The following HPS5 variants were observed in gnomAD, a reference collection of about 807,000 sequenced individuals.
The protein encoded by HPS5 is HPS5 biogenesis of lysosomal organelles complex 2 subunit 2.
A neutral mutation model predicts 128.0 loss-of-function variants in HPS5; 83 were observed. The observed-to-expected ratio is 0.65, with a 90% CI of 0.54 to 0.78. The LOEUF is 0.78. Ranked by LOEUF, HPS5 falls within the 30% of genes least tolerant of loss-of-function variation. HPS5 has a pLI of 0.00. For missense variants in HPS5, 1,281 were observed against 1,326.2 expected (o/e 0.97, Z 0.53); for synonymous variants, 475 against 470.2 (o/e 1.01, Z -0.13).
intron 22 of HPS5, chr11:18,280,786 C>T: frequency 4.3e-6 from 2 of 469,308 alleles, no homozygotes; most frequent in South Asian, 4.0e-5. Flanking sequence ...ACAGGCTGGT[C>T]ACAAAACGAC....
chr11:18,288,122 C>T (rs993511218), intron 16 of HPS5, 109 bp from the exon 17 acceptor site: 2 of 1,158,714 alleles, frequency 1.7e-6, no homozygotes, highest in Admixed American at 1.8e-5. Flanking sequence ...CTGTGTGGAC[C>T]TATTATGTGC....
rs750401679 is a variant in HPS5, at chr11:18,295,126, G to A, written c.1678C>T (p.Leu560Phe). Residue 560 changes from leucine to phenylalanine, a missense_variant, in exon 14 of 23, where the codon CTT becomes TTT. Physicochemically the swap from Leu to Phe is conservative, Grantham distance 22 (BLOSUM62 0). Coordinates refer to ENST00000349215, the MANE Select transcript of HPS5 (RefSeq NM_181507.2). Reference sequence around the variant, plus strand: ...ACTTTCAGATCAGGGCTCGTGTGAAGGGTGCCAATCTTCTCAGTAGTTTTA... The same window carrying A: ...ACTTTCAGATCAGGGCTCGTGTGAAAGGTGCCAATCTTCTCAGTAGTTTTA... ...VRKTTEKIGT[L>F]HTSPDLKVRP... 6.8e-6 allele frequency: 11 copies of A among 1,614,186 alleles called. No homozygotes were observed. The South Asian group carries it at 1.1e-4, about 16-fold the overall frequency.
At chr11:18,304,023 G>C (rs1862058047) in intron 8 of HPS5, among the ~76,000 whole-genome samples, 2 of 152,204 alleles carry the variant, frequency 1.3e-5, no homozygotes, top group Non-Finnish European at 2.9e-5. Context: ...TTACTGTTTA[G>C]GGTAAGACAT....
At chr11:18,282,256 C>G (rs1422281961) in intron 21 of HPS5, 36 bp from the exon 22 acceptor site, 2 of 1,611,682 alleles carry the variant, frequency 1.2e-6, no homozygotes, top group Non-Finnish European at 1.7e-6. Flanking sequence ...TTTGACCACT[C>G]TTAGCACACT....
chr11:18,279,961 G>A lies in HPS5; in HGVS notation c.3330-19C>T, dbSNP rs1388863586. 1 of 1,612,808 alleles carries A rather than the reference G, an allele frequency of 6.2e-7. No homozygotes were observed. The highest frequency in any genetic ancestry group is 1.7e-5 in the Admixed American group (1 of 59,970). On this transcript the variant is annotated intron_variant, in intron 22 of 22. Coordinates refer to ENST00000349215, the MANE Select transcript of HPS5 (RefSeq NM_181507.2). Reference sequence around the variant, plus strand: ...CAAGGCCCTGAAATCCCAAAGAAAAGAAACAAGCAAATTTAGTTGTCATTG... The same window carrying A: ...CAAGGCCCTGAAATCCCAAAGAAAAAAAACAAGCAAATTTAGTTGTCATTG...
At chr11:18,319,285 ACACACACAC>A (rs1864019051) in intron 1 of HPS5, among the ~76,000 whole-genome samples, 1 of 137,868 alleles carries the variant, frequency 7.3e-6, no homozygotes, top group African/African-American at 2.6e-5. Flanking sequence ...ACACACACAC[ACACACACAC>A]ATCTTATAAG....
rs757314481 is a variant in HPS5, at chr11:18,295,046, A to G, written c.1758T>C (p.Asp586=). ...EQSCEEDVSS[D]TCPKEEDTEE... is the part of the protein sequence containing the mutation. ...CAGTGTCTTCCTCCTTTGGGCAGGT[A>G]TCTGAACTCACATCCTCTTCACATG... Residue 586 remains aspartate, a synonymous_variant, in exon 14 of 23, where the codon GAT becomes GAC. Coordinates refer to ENST00000349215, the MANE Select transcript of HPS5 (RefSeq NM_181507.2). The G allele has an allele frequency of 1.9e-6, 3 of 1,614,196 alleles. No homozygotes were observed. The highest frequency in any genetic ancestry group is 2.5e-6 in the Non-Finnish European group (3 of 1,180,022).
intron 8 of HPS5, among the ~76,000 whole-genome samples, chr11:18,301,421 CCAGCCTGGGTGA>C (rs1329858215): frequency 3.4e-5 from 5 of 146,600 alleles, no homozygotes; most frequent in East Asian, 2.0e-4. Flanking sequence ...CCACTGCACT[CCAGCCTGGGTGA>C]CAGCCTGGGT....
chr11:18,297,351 A>C (rs1244413320), intron 11 of HPS5, among the ~76,000 whole-genome samples: 2 of 152,308 alleles, frequency 1.3e-5, no homozygotes, highest in Non-Finnish European at 1.5e-5. Flanking sequence ...AAAAATAATA[A>C]ACAATGACAA....
intron 18 of HPS5, 200 bp from the exon 19 acceptor site, chr11:18,286,910 GA>G (rs371993799): frequency 0.01 from 4,875 of 483,582 alleles, no homozygotes; most frequent in Middle Eastern, 0.019. Context: ...GGCCAAAAAA[GA>G]AAAAAAAAAA....
rs1196300006 is a variant in HPS5 at position 18,285,413 on chromosome 11, G to A, written c.2884C>T (p.His962Tyr). ...AAATCTGCAGGAAGTTTAATTAGATGAAGGATCAGCTGACTGTAACCCCAG... is the reference window on the plus strand; with the variant it reads ...AAATCTGCAGGAAGTTTAATTAGATAAAGGATCAGCTGACTGTAACCCCAG... ...LSWGYSQLIL[H>Y]LIKLPADFIT... Residue 962 changes from histidine (H) to tyrosine (Y), a missense_variant, in exon 20 of 23, where the codon CAT (histidine) becomes TAT (tyrosine). Transcript: ENST00000349215. The A allele has an allele frequency of 6.2e-7, 1 of 1,613,534 alleles. No homozygotes were observed. The highest frequency in any genetic ancestry group is 1.1e-5 in the South Asian group (1 of 91,076).
chr11:18,320,739 G>A (rs79057312), intron 1 of HPS5, among the ~76,000 whole-genome samples: 157 of 152,306 alleles, frequency 1.0e-3, no homozygotes, highest in African/African-American at 3.6e-3. Flanking sequence ...GCCTAGAACT[G>A]AGCATAATAC....
chr11:18,295,243 G>A, intron 13 of HPS5, 74 bp from the exon 14 acceptor site: 1 of 1,480,078 alleles, frequency 6.8e-7, no homozygotes, highest in Non-Finnish European at 9.2e-7. Flanking sequence ...TCATTCTTCA[G>A]TTTTCTCCCT....
Position 18,279,959 on chromosome 11 carries a change from A to G in HPS5, c.3330-17T>C, listed in dbSNP as rs1454364784. ...ATCAAGGCCCTGAAATCCCAAAGAAAAGAAACAAGCAAATTTAGTTGTCAT... is the reference window on the plus strand; with the variant it reads ...ATCAAGGCCCTGAAATCCCAAAGAAGAGAAACAAGCAAATTTAGTTGTCAT... On this transcript the variant is annotated splice_polypyrimidine_tract_variant and intron_variant, in intron 22 of 22. Transcript: ENST00000349215. The G allele has an allele frequency of 6.2e-7, 1 of 1,613,248 alleles. No individual in the cohort carries two copies. Among genetic ancestry groups the G allele is most frequent in the Admixed American group, 1.7e-5 (1 of 60,000 alleles).
intron 12 of HPS5, chr11:18,296,510 T>A (rs1861084813): frequency 3.4e-6 from 2 of 589,216 alleles, no homozygotes; most frequent in Non-Finnish European, 3.0e-6. Context: ...GAATAAAATC[T>A]TCCCACTCTT....
Position 18,287,894 on chromosome 11 carries a change from G to A in HPS5, c.2560C>T (p.Arg854Trp), listed in dbSNP as rs779745234. 34 of 1,613,814 alleles carry A rather than the reference G, an allele frequency of 2.1e-5. No individual in the cohort carries two copies. Among genetic ancestry groups the A allele is most frequent in the African/African-American group, 6.7e-5 (5 of 74,870 alleles). Residue 854 changes from arginine to tryptophan, a missense_variant and splice_region_variant, in exon 17 of 23, where the codon CGG becomes TGG. Coordinates refer to ENST00000349215, the MANE Select transcript of HPS5 (RefSeq NM_181507.2). Reference protein sequence around the residue: ...DSPLLVVYATRLYEKFGESAL... With the variant: ...DSPLLVVYATWLYEKFGESAL... ...TAAACAATATACAGGACAACTTACC[G>A]GGTAGCATAAACAACCAACAACGGA...
intron 14 of HPS5, among the ~76,000 whole-genome samples, chr11:18,294,454 C>T (rs969014388): frequency 3.9e-5 from 6 of 151,940 alleles, no homozygotes; most frequent in East Asian, 3.9e-4. Flanking sequence ...ACTAGTCATA[C>T]GCAGAGCCAG....
Position 18,287,554 on chromosome 11 carries a change from A to G in HPS5, c.2698T>C (p.Ser900Pro). The change falls in exon 18 of 23, where the codon TCA becomes CCA. Residue 900 changes from serine to proline, a missense_variant. Ser to Pro is a moderately conservative substitution (Grantham distance 74). Coordinates refer to ENST00000349215, the MANE Select transcript of HPS5 (RefSeq NM_181507.2). ...FLAYLDSLVK[S>P]RPEDQRSSFL... ...TCTCACCGCTGATCTTCAGGCCTTG[A>G]TTTCACCAGACTGTCTAAATAGGCC... 1 of 1,614,196 alleles carries G rather than the reference A, an allele frequency of 6.2e-7. No individual in the cohort carries two copies.
intron 2 of HPS5, chr11:18,314,633 A>G (rs1863403161): frequency 6.6e-6 from 1 of 152,208 alleles, no homozygotes; most frequent in Non-Finnish European, 1.5e-5. Flanking sequence ...CCAGGTTGTA[A>G]TCCTCAAGCT....
Sources: gnomAD v4.1 joint callset for allele counts (sites outside exome capture counted in the v4.1 genomes callset) on GRCh38, gnomAD v4.1.1 for gene constraint, MANE v1.5 for transcripts, NCBI Gene and HGNC (gene_info 2026-07-23, HGNC 2026-07-21) for gene names.